The following ZNF385B variants were observed in gnomAD, a reference collection of about 807,000 sequenced individuals.
ZNF385B encodes zinc finger protein 533.
Under a neutral mutation model 39.2 loss-of-function variants are expected in ZNF385B, and 23 were observed. The ratio of observed to expected loss-of-function variants is 0.59; its 90% CI spans 0.42 to 0.83. ZNF385B has a LOEUF of 0.83. Ranked by LOEUF, ZNF385B falls within the 40% of genes least tolerant of loss-of-function variation. The pLI, the probability that ZNF385B is intolerant of heterozygous loss-of-function variation, is 0.00. For synonymous variants in ZNF385B, 205 were observed against 222.6 expected, an observed-to-expected ratio of 0.92 and a Z score of 0.70; for missense variants, 552 against 598.9, an observed-to-expected ratio of 0.92 and a Z score of 0.82.
At chr2:179,717,065 C>T (rs1013639577) in intron 3 of ZNF385B, among the ~76,000 whole-genome samples, 13 of 152,134 alleles carry the variant, frequency 8.5e-5, no homozygotes, top group African/African-American at 2.9e-4. Context: ...CCAAGTTTTG[C>T]GGTACTCTGT....
At chr2:179,784,149 A>T (rs1272766546) in intron 1 of ZNF385B, among the ~76,000 whole-genome samples, 2 of 152,170 alleles carry the variant, frequency 1.3e-5, no homozygotes, top group African/African-American at 4.8e-5. Context: ...GCTGTAAAAA[A>T]GAATGAGGTC....
intron 3 of ZNF385B, among the ~76,000 whole-genome samples, chr2:179,659,843 T>C (rs1008517120): frequency 6.6e-6 from 1 of 152,296 alleles, no homozygotes; most frequent in East Asian, 1.9e-4. Flanking sequence ...AACTAAAAAA[T>C]ACAGGTCAAA....
At chr2:179,722,894 CAT>C (rs1700781221) in intron 3 of ZNF385B, among the ~76,000 whole-genome samples, 1 of 151,998 alleles carries the variant, frequency 6.6e-6, no homozygotes, top group Non-Finnish European at 1.5e-5. Context: ...AAAATGGTCA[CAT>C]GATATGAATA....
chr2:179,691,363 T>A (rs1044263445), intron 3 of ZNF385B, among the ~76,000 whole-genome samples: 1 of 152,188 alleles, frequency 6.6e-6, no homozygotes, highest in African/African-American at 2.4e-5. Flanking sequence ...CCCCAGAGAA[T>A]ATTCTTTAAG....
chr2:179,455,442 T>C (rs2050582370), intron 6 of ZNF385B, among the ~76,000 whole-genome samples: 1 of 152,118 alleles, frequency 6.6e-6, no homozygotes, highest in Admixed American at 6.6e-5. Flanking sequence ...GATGGTTTCA[T>C]AAGAGTTTTT....
At chr2:179,537,122 T>C (rs1003172718) in intron 4 of ZNF385B, among the ~76,000 whole-genome samples, 1 of 150,646 alleles carries the variant, frequency 6.6e-6, no homozygotes, top group Non-Finnish European at 1.5e-5. Flanking sequence ...ACAAGCCTGA[T>C]GAACATGGAG....
At position 179,764,571 on chromosome 2, in the gene ZNF385B, T is replaced by C. The variant is rs375473536; in HGVS notation, c.298+4932A>G. Among the ~76,000 whole-genome samples, 7 of 152,304 alleles carry C rather than the reference T, an allele frequency of 4.6e-5. No individual in the cohort carries two copies. The South Asian group carries it at 8.3e-4, about 18-fold the overall frequency. Reference sequence around the variant, plus strand: ...TACTTGAACACTTTTTAGGACTCCATCTTTATTTATTTATATTTTGGTTGT... The same window carrying C: ...TACTTGAACACTTTTTAGGACTCCACCTTTATTTATTTATATTTTGGTTGT... On this transcript the variant is annotated intron_variant, in intron 3 of 9. Transcript: ENST00000410066.
intron 6 of ZNF385B, among the ~76,000 whole-genome samples, chr2:179,452,333 T>C (rs1192419160): frequency 6.6e-6 from 1 of 152,086 alleles, no homozygotes; most frequent in Non-Finnish European, 1.5e-5. Context: ...CCAAAATCTT[T>C]ACTCAAATTA....
chr2:179,784,010 G>A (rs1186639571), intron 1 of ZNF385B, among the ~76,000 whole-genome samples: 1 of 152,110 alleles, frequency 6.6e-6, no homozygotes, highest in Non-Finnish European at 1.5e-5. Flanking sequence ...CTGTCTTAAA[G>A]ACAAATGCAC....
At chr2:179,489,435 A>G (rs1033277787) in intron 5 of ZNF385B, among the ~76,000 whole-genome samples, 1 of 152,236 alleles carries the variant, frequency 6.6e-6, no homozygotes, top group African/African-American at 2.4e-5. Context: ...CTCTTACATC[A>G]CAGATTTTAT....
intron 3 of ZNF385B, among the ~76,000 whole-genome samples, chr2:179,614,998 C>T (rs1689613799): frequency 6.6e-6 from 1 of 152,184 alleles, no homozygotes; most frequent in South Asian, 2.1e-4. Context: ...GTTATGCCTG[C>T]TATTGGGTGC....
intron 4 of ZNF385B, among the ~76,000 whole-genome samples, chr2:179,540,455 A>AAAAAC (rs1369811808): frequency 6.6e-6 from 1 of 152,148 alleles, no homozygotes; most frequent in Non-Finnish European, 1.5e-5. Flanking sequence ...TCAAACAAAC[A>AAAAAC]AAAACAAAAC....
At chr2:179,678,817 T>C (rs1049597811) in intron 3 of ZNF385B, among the ~76,000 whole-genome samples, 9 of 152,174 alleles carry the variant, frequency 5.9e-5, no homozygotes, top group African/African-American at 2.2e-4. Flanking sequence ...TATATGCTCT[T>C]TGGGAAGTCA....
At chr2:179,488,946 C>T (rs1371274649) in intron 5 of ZNF385B, among the ~76,000 whole-genome samples, 1 of 152,070 alleles carries the variant, frequency 6.6e-6, no homozygotes, top group African/African-American at 2.4e-5. Context: ...CCCCTACTTG[C>T]CAGAATGGTG....
intron 3 of ZNF385B, among the ~76,000 whole-genome samples, chr2:179,618,029 C>T (rs1474392785): frequency 6.6e-6 from 1 of 152,040 alleles, no homozygotes; most frequent in African/African-American, 2.4e-5. Context: ...CAATTGTAGC[C>T]TGAGAAAGAG....
At chr2:179,717,573 T>C (rs1260238791) in intron 3 of ZNF385B, among the ~76,000 whole-genome samples, 3 of 152,080 alleles carry the variant, frequency 2.0e-5, no homozygotes, top group African/African-American at 7.2e-5. Context: ...TTTCTATAAA[T>C]TATTTTTTAG....
chr2:179,689,101 T>A (rs1472099807), intron 3 of ZNF385B, among the ~76,000 whole-genome samples: 1 of 152,120 alleles, frequency 6.6e-6, no homozygotes, highest in African/African-American at 2.4e-5. Flanking sequence ...ATAAAATAAA[T>A]GTAGTTTTAA....
chr2:179,591,226 T>C (rs1231549019), intron 3 of ZNF385B, among the ~76,000 whole-genome samples: 4 of 152,170 alleles, frequency 2.6e-5, no homozygotes, highest in Admixed American at 2.6e-4. Flanking sequence ...TTTCATATGA[T>C]TACAAACGTT....
intron 3 of ZNF385B, among the ~76,000 whole-genome samples, chr2:179,566,592 G>T (rs953204707): frequency 6.6e-6 from 1 of 152,140 alleles, no homozygotes; most frequent in Non-Finnish European, 1.5e-5. Context: ...CTTGGTTAAA[G>T]AATTAATTTA....
Sources: gnomAD v4.1 joint callset for allele counts (sites outside exome capture counted in the v4.1 genomes callset) on GRCh38, gnomAD v4.1.1 for gene constraint, MANE v1.5 for transcripts, NCBI Gene and HGNC (gene_info 2026-07-23, HGNC 2026-07-21) for gene names.